The following NRXN1 variants were observed in gnomAD, a reference collection of about 807,000 sequenced individuals.
NRXN1 encodes neurexin-1.
In NRXN1, 39 loss-of-function variants were observed where a neutral mutation model predicts 150.9. The ratio of observed to expected loss-of-function variants is 0.26; its 90% CI spans 0.20 to 0.34. The LOEUF is 0.34. NRXN1 is among the 10% of genes least tolerant of loss of function. The probability of loss-of-function intolerance (pLI) is 1.00; values close to 1 mark genes in which losing one functional copy is unlikely to be tolerated. For synonymous variants in NRXN1, 924 were observed against 757.0 expected (o/e 1.22, Z -3.62); for missense variants, 1,815 against 1,949.9 (o/e 0.93, Z 1.30).
At chr2:50,267,573 A>T (rs80262609) in intron 17 of NRXN1, among the ~76,000 whole-genome samples, 8,358 of 152,216 alleles carry the variant, frequency 0.055, 290 homozygotes, top group Middle Eastern at 0.11. Flanking sequence ...AGCAAATGTT[A>T]GGCTTTTTTC....
intron 18 of NRXN1, among the ~76,000 whole-genome samples, chr2:50,124,547 C>T (rs1315721336): frequency 6.6e-6 from 1 of 152,070 alleles, no homozygotes; most frequent in African/African-American, 2.4e-5. Context: ...ATTACAAATG[C>T]ATACAGTTGT....
intron 21 of NRXN1, among the ~76,000 whole-genome samples, chr2:50,028,170 T>C (rs1434788320): frequency 1.3e-5 from 2 of 152,196 alleles, no homozygotes; most frequent in Admixed American, 6.5e-5. Context: ...TACTTACCAG[T>C]TGTTCAAAGA....
Position 50,747,886 on chromosome 2 carries a change from G to T in NRXN1, c.833-124271C>A, listed in dbSNP as rs567645709. ...CAACTTGCCCAAGGCTCGCAACCAG[G>T]AGAAGGTGTATATGGGATGTGATCA... On this transcript the variant is annotated intron_variant, in intron 5 of 22. Coordinates refer to ENST00000401669, the MANE Select transcript of NRXN1 (RefSeq NM_001330078.2). Among the ~76,000 whole-genome samples the T allele has an allele frequency of 3.3e-5, 5 of 152,082 alleles. No homozygotes were observed. In the South Asian group the frequency reaches 1.0e-3, roughly 32 times the overall value.
At chr2:50,669,541 A>C (rs1212463045) in intron 5 of NRXN1, among the ~76,000 whole-genome samples, 2 of 152,008 alleles carry the variant, frequency 1.3e-5, no homozygotes, top group Non-Finnish European at 2.9e-5. Context: ...TATTGCTAAT[A>C]AAGTAGACAG....
At chr2:50,182,799 C>A (rs988151632) in intron 18 of NRXN1, among the ~76,000 whole-genome samples, 2 of 152,032 alleles carry the variant, frequency 1.3e-5, no homozygotes, top group Non-Finnish European at 2.9e-5. Flanking sequence ...TAATATTCTA[C>A]ATTTCATAAT....
At chr2:50,350,046 G>A (rs969994579) in intron 17 of NRXN1, among the ~76,000 whole-genome samples, 1 of 152,148 alleles carries the variant, frequency 6.6e-6, no homozygotes, top group Non-Finnish European at 1.5e-5. Flanking sequence ...AAGTCCCTGT[G>A]AACACTGAAT....
rs144099358 is a variant in NRXN1 at position 50,507,512 on chromosome 2, T to C, written c.2375-895A>G. Among the ~76,000 whole-genome samples, 737 of 152,038 alleles carry C rather than the reference T, an allele frequency of 4.8e-3. 8 individuals carry two copies. Among genetic ancestry groups the C allele is most frequent in the African/African-American group, 0.017 (696 of 41,458 alleles). On this transcript the variant is annotated intron_variant, in intron 12 of 22. Transcript: ENST00000401669. ...CAAGAAGTATAACTGGGAAAGTAAC[T>C]GCTAGTGAATCTATATAAACCTATG...
Position 51,027,969 on chromosome 2 carries a change from G to T in NRXN1, c.305C>A (p.Thr102Lys). The part of the protein sequence containing the change: ...SFSIFCAEPA[T>K]LLADTPVNDG... ...GTTAACCGGCGTGTCGGCCAGGAGC[G>T]TCGCAGGCTCAGCGCAGAAGATGGA... The change falls in exon 2 of 23, where the codon ACG becomes AAG. Residue 102 changes from threonine to lysine, a missense_variant. Thr to Lys is a moderately conservative substitution (Grantham distance 78). This residue lies in a region of NRXN1 where 554 missense variants were observed against 478.8 expected (regional missense o/e 1.16). Transcript: ENST00000401669. 1 of 1,602,066 alleles carries T rather than the reference G, an allele frequency of 6.2e-7. No homozygotes were observed. The highest frequency in any genetic ancestry group is 8.5e-7 in the Non-Finnish European group (1 of 1,179,404).
chr2:50,943,591 CTGTTCACA>C (rs1689842514), intron 2 of NRXN1, among the ~76,000 whole-genome samples: 2 of 152,250 alleles, frequency 1.3e-5, no homozygotes, highest in South Asian at 4.1e-4. Flanking sequence ...CTATATGTAA[CTGTTCACA>C]TCTAGAACTG....
At chr2:50,758,495 A>G (rs1323317305) in intron 5 of NRXN1, among the ~76,000 whole-genome samples, 1 of 151,818 alleles carries the variant, frequency 6.6e-6, no homozygotes. Flanking sequence ...AACAAACAAA[A>G]TGATGTTTCG....
At chr2:49,947,091 A>G (rs950109417) in intron 21 of NRXN1, among the ~76,000 whole-genome samples, 2 of 152,128 alleles carry the variant, frequency 1.3e-5, no homozygotes, top group Non-Finnish European at 2.9e-5. Context: ...AGTTGCTCCA[A>G]TTCCCTCCAG....
In NRXN1 at chr2:50,404,787, G is replaced by T. The variant is rs117990196; in HGVS notation, c.3364+60655C>A. ...GAAAAAGGCCTGGAGGGGGATCTTT[G>T]CAGTATAAGAGTTTTGACTCCCTGC... On this transcript the variant is annotated intron_variant, in intron 17 of 22. Transcript: ENST00000401669. Among the ~76,000 whole-genome samples, 128 of 152,194 alleles carry T rather than the reference G, an allele frequency of 8.4e-4. 3 individuals are homozygous for T. In the East Asian group the frequency reaches 0.024, roughly 29 times the overall value.
chr2:50,160,953 T>C (rs1395885303), intron 18 of NRXN1, among the ~76,000 whole-genome samples: 1 of 152,148 alleles, frequency 6.6e-6, no homozygotes, highest in African/African-American at 2.4e-5. Flanking sequence ...TAATATTTGA[T>C]TATATATGGT....
intron 19 of NRXN1, among the ~76,000 whole-genome samples, chr2:50,081,355 G>A (rs1366893947): frequency 6.6e-6 from 1 of 152,162 alleles, no homozygotes; most frequent in Non-Finnish European, 1.5e-5. Flanking sequence ...GAGGCGGGTG[G>A]ATCACGAGGT....
intron 17 of NRXN1, among the ~76,000 whole-genome samples, chr2:50,433,046 A>G (rs1020638710): frequency 6.6e-6 from 1 of 152,234 alleles, no homozygotes; most frequent in Admixed American, 6.5e-5. Flanking sequence ...TTAATAAAAA[A>G]TGATACATAG....
At chr2:50,734,473 T>G (rs1698475734) in intron 5 of NRXN1, among the ~76,000 whole-genome samples, 1 of 152,164 alleles carries the variant, frequency 6.6e-6, no homozygotes, top group Non-Finnish European at 1.5e-5. Flanking sequence ...TCTTTGTCTT[T>G]CTATGACAAT....
At chr2:50,452,866 T>A (rs2104546380) in intron 17 of NRXN1, among the ~76,000 whole-genome samples, 1 of 152,274 alleles carries the variant, frequency 6.6e-6, no homozygotes, top group South Asian at 2.1e-4. Context: ...AATAGAGAAA[T>A]GTACACTTGG....
chr2:50,051,069 A>G (rs116330082), intron 21 of NRXN1, among the ~76,000 whole-genome samples: 1,808 of 152,086 alleles, frequency 0.012, 45 homozygotes, highest in African/African-American at 0.042. Context: ...TACATCTATA[A>G]ACTGCTGCTG....
intron 17 of NRXN1, among the ~76,000 whole-genome samples, chr2:50,326,481 G>A (rs1004773745): frequency 2.0e-5 from 3 of 152,012 alleles, no homozygotes; most frequent in Non-Finnish European, 2.9e-5. Flanking sequence ...ATAAAATTGC[G>A]GGCTGGCAGC....
Sources: gnomAD v4.1 joint callset for allele counts (sites outside exome capture counted in the v4.1 genomes callset) on GRCh38, gnomAD v4.1.1 for gene constraint, gnomAD v4.1.1 regional missense constraint, MANE v1.5 for transcripts, NCBI Gene and HGNC (gene_info 2026-07-23, HGNC 2026-07-21) for gene names.